The following CD2AP variants were observed in gnomAD, a reference collection of about 807,000 sequenced individuals.
CD2AP encodes CD2-associated protein.
CD2AP carries 46 observed loss-of-function variants against 85.1 expected under a neutral mutation model. The ratio of observed to expected loss-of-function variants is 0.54; its 90% CI spans 0.43 to 0.69. The LOEUF (loss-of-function observed/expected upper bound fraction) is 0.69, where lower values mean the gene tolerates loss of function less well. CD2AP is among the 30% of genes least tolerant of loss of function. The probability of loss-of-function intolerance (pLI) is 0.00; values close to 1 mark genes in which losing one functional copy is unlikely to be tolerated. For synonymous variants in CD2AP, 255 were observed against 252.9 expected (o/e 1.01, Z -0.08); for missense variants, 769 against 729.5 (o/e 1.05, Z -0.62).
At chr6:47,609,346 A>G (rs1400291288) in intron 16 of CD2AP, 42 bp downstream of exon 16, 1 of 1,461,718 alleles carries the variant, frequency 6.8e-7, no homozygotes, top group Non-Finnish European at 9.6e-7. Flanking sequence ...TACTTAACCC[A>G]TGCATAAAGA....
At chr6:47,618,341 A>G (rs951198688) in intron 17 of CD2AP, among the ~76,000 whole-genome samples, 3 of 152,168 alleles carry the variant, frequency 2.0e-5, no homozygotes, top group Admixed American at 2.0e-4. Flanking sequence ...TAGTCTTCCA[A>G]ATTTGCAAGA....
intron 1 of CD2AP, among the ~76,000 whole-genome samples, chr6:47,479,860 A>G (rs1375653142): frequency 6.6e-6 from 1 of 151,382 alleles, no homozygotes; most frequent in African/African-American, 2.4e-5. Flanking sequence ...CTTGTAACTG[A>G]TTAGTGTCCC....
intron 14 of CD2AP, among the ~76,000 whole-genome samples, chr6:47,606,746 G>C (rs112127881): frequency 3.5e-4 from 53 of 152,082 alleles, no homozygotes; most frequent in African/African-American, 1.2e-3. Context: ...ATACAGGCAT[G>C]AAATGCATAA....
At position 47,607,874 on chromosome 6, in the gene CD2AP, C is replaced by A. The variant is rs536755449; in HGVS notation, c.1531-53C>A. 1.5e-3 allele frequency: 1,804 copies of A among 1,201,872 alleles called. 14 individuals are homozygous for A. The highest frequency in any genetic ancestry group is 9.0e-3 in the Middle Eastern group (47 of 5,222). The allele number at this position is 1,201,872 out of a possible 1,614,324, so 74.5% of individuals were successfully genotyped here. On this transcript the variant is annotated intron_variant, in intron 14 of 17. Coordinates refer to ENST00000359314, the MANE Select transcript of CD2AP (RefSeq NM_012120.3). ...TGCTTTATTATCCAAAGACTTACTA[C>A]CTTTTCTTTTCTTTGGTCTATTATG... is the stretch of plus-strand genomic sequence containing the variant.
intron 3 of CD2AP, among the ~76,000 whole-genome samples, chr6:47,535,988 A>C (rs1767034307): frequency 6.6e-6 from 1 of 152,218 alleles, no homozygotes; most frequent in Non-Finnish European, 1.5e-5. Context: ...TGCCTTTCGT[A>C]AGAACACTGG....
chr6:47,572,168 G>GATT (rs1372994207), intron 5 of CD2AP, among the ~76,000 whole-genome samples: 1 of 152,124 alleles, frequency 6.6e-6, no homozygotes, highest in East Asian at 1.9e-4. Context: ...TGTTGTAAAG[G>GATT]ATTACTGTAA....
At chr6:47,556,230 CT>C (rs1450335577) in intron 5 of CD2AP, among the ~76,000 whole-genome samples, 1 of 149,290 alleles carries the variant, frequency 6.7e-6, no homozygotes, top group African/African-American at 2.5e-5. Flanking sequence ...CCCCCTCCCC[CT>C]GATAGGCCCC....
intron 4 of CD2AP, among the ~76,000 whole-genome samples, chr6:47,549,460 C>CAAAAAAAAAAAA (rs67626138): frequency 9.0e-6 from 1 of 110,712 alleles, no homozygotes; most frequent in Non-Finnish European, 1.8e-5. Flanking sequence ...ACAATAGCTG[C>CAAAAAAAAAAAA]AAAAAAAAAA....
chr6:47,623,845 GATAC>G (rs1769826975), intron 17 of CD2AP, among the ~76,000 whole-genome samples: 1 of 151,998 alleles, frequency 6.6e-6, no homozygotes. Flanking sequence ...TTTAATTATA[GATAC>G]ATGTACATTT....
intron 2 of CD2AP, among the ~76,000 whole-genome samples, chr6:47,506,728 C>G (rs529278982): frequency 1.6e-5 from 2 of 125,816 alleles, no homozygotes; most frequent in African/African-American, 5.5e-5. Context: ...TGCAGTGAGC[C>G]GAGATGGCAG....
intron 17 of CD2AP, among the ~76,000 whole-genome samples, chr6:47,613,473 C>T (rs900184893): frequency 6.6e-6 from 1 of 151,854 alleles, no homozygotes; most frequent in Non-Finnish European, 1.5e-5. Flanking sequence ...TGACTAAGGG[C>T]ATGGTCAGTG....
At chr6:47,499,685 A>C (rs1319896669) in intron 1 of CD2AP, among the ~76,000 whole-genome samples, 1 of 152,176 alleles carries the variant, frequency 6.6e-6, no homozygotes, top group African/African-American at 2.4e-5. Flanking sequence ...ATAATAAATG[A>C]ATAAAAAGCT....
Position 47,533,680 on chromosome 6 carries a change from G to A in CD2AP, c.244G>A (p.Val82Ile), listed in dbSNP as rs755302778. ...AAGGCATGGGAATGTAGCAAGTCTT[G>A]TACAACGAATAAGCACCTATGGACT... ...RERHGNVASL[V>I]QRISTYGLPA... Residue 82 changes from valine to isoleucine, a missense_variant, in exon 3 of 18, where the codon GTA (valine) becomes ATA (isoleucine). Val to Ile is a conservative substitution (Grantham distance 29). Coordinates refer to ENST00000359314, the MANE Select transcript of CD2AP (RefSeq NM_012120.3). The A allele has an allele frequency of 6.2e-7, 1 of 1,613,978 alleles. No homozygotes were observed. The highest frequency in any genetic ancestry group is 1.3e-5 in the African/African-American group (1 of 74,924).
intron 1 of CD2AP, among the ~76,000 whole-genome samples, chr6:47,496,951 TATTC>T (rs1253082770): frequency 6.6e-6 from 1 of 152,230 alleles, no homozygotes; most frequent in Non-Finnish European, 1.5e-5. Context: ...ATGATAATGA[TATTC>T]ATCCCTTTAC....
In CD2AP at chr6:47,580,851, A is replaced by C. The variant is rs1222528753; in HGVS notation, c.1009-13A>C. 17 of 1,597,246 alleles carry C rather than the reference A, an allele frequency of 1.1e-5. No individual in the cohort carries two copies. The highest frequency in any genetic ancestry group is 1.5e-5 in the Non-Finnish European group (17 of 1,165,042). On this transcript the variant is annotated splice_polypyrimidine_tract_variant and intron_variant, in intron 9 of 17. Coordinates refer to ENST00000359314, the MANE Select transcript of CD2AP (RefSeq NM_012120.3). ...AAACTGGTCAGCCGTTTCCACCATTATTATTTTAACAGAAACCAAAGAAAC... is the reference window on the plus strand; with the variant it reads ...AAACTGGTCAGCCGTTTCCACCATTCTTATTTTAACAGAAACCAAAGAAAC...
At chr6:47,564,650 C>T (rs1337583968) in intron 5 of CD2AP, among the ~76,000 whole-genome samples, 2 of 151,940 alleles carry the variant, frequency 1.3e-5, no homozygotes, top group Admixed American at 1.3e-4. Flanking sequence ...CTTTCCCCAA[C>T]TCTAAATTTT....
rs1765340772 is a variant in CD2AP, at chr6:47,477,849, A to C, written c.-396A>C. On this transcript the variant is annotated 5_prime_UTR_variant, in exon 1 of 18. Coordinates refer to ENST00000359314, the MANE Select transcript of CD2AP (RefSeq NM_012120.3). ...CCTTTTCTAACTGCGAGTGCTAAGG[A>C]AGAGGCGAGGGGCGGGCTCCGAGGC... is the stretch of plus-strand genomic sequence containing the variant. 1 of 295,500 alleles carries C rather than the reference A, an allele frequency of 3.4e-6. No homozygotes were observed. Among genetic ancestry groups the C allele is most frequent in the Non-Finnish European group, 6.3e-6 (1 of 157,820 alleles). 18.3% of individuals were successfully genotyped at this position (295,500 alleles called of 1,614,324 possible).
intron 11 of CD2AP, among the ~76,000 whole-genome samples, chr6:47,584,503 A>G (rs1022390523): frequency 6.6e-6 from 1 of 152,070 alleles, no homozygotes; most frequent in African/African-American, 2.4e-5. Flanking sequence ...ATAAAAATCA[A>G]AAGTTCAAAT....
chr6:47,564,118 T>C (rs1767931365), intron 5 of CD2AP, among the ~76,000 whole-genome samples: 1 of 152,140 alleles, frequency 6.6e-6, no homozygotes, highest in Non-Finnish European at 1.5e-5. Context: ...TCAGAACTGA[T>C]GTTTAAGGGT....
Sources: allele counts gnomAD v4.1 joint callset (sites outside exome capture counted in the v4.1 genomes callset), GRCh38; gene constraint gnomAD v4.1.1; transcripts MANE v1.5; gene names NCBI Gene and HGNC (gene_info 2026-07-23, HGNC 2026-07-21).